Variants in SPATA13 observed in about 807,000 individuals in gnomAD.
The protein encoded by SPATA13 is spermatogenesis-associated protein 13.
Under a neutral mutation model 104.0 loss-of-function variants are expected in SPATA13, and 50 were observed. The ratio of observed to expected loss-of-function variants is 0.48; its 90% CI spans 0.38 to 0.61. The LOEUF (loss-of-function observed/expected upper bound fraction) is 0.61, where lower values mean the gene tolerates loss of function less well. Ranked by LOEUF, SPATA13 falls within the 20% of genes least tolerant of loss-of-function variation. The pLI, the probability that SPATA13 is intolerant of heterozygous loss-of-function variation, is 0.00. For synonymous variants in SPATA13, 606 were observed against 667.5 expected (o/e 0.91, Z 1.42); for missense variants, 1,524 against 1,690.6 (o/e 0.90, Z 1.73).
In SPATA13 at chr13:24,259,666, C is replaced by T. The variant is rs111288094; in HGVS notation, c.2164+7804C>T. ...TATTGGTTGTAAAACCTCATCAGCT[C>T]AACATTATGATACTTTGATGAGCTT... On this transcript the variant is annotated intron_variant, in intron 4 of 12. Transcript: ENST00000382108. 7.0e-3 allele frequency among the ~76,000 whole-genome samples: 1,071 copies of T among 152,278 alleles called. 21 individuals carry two copies. The highest frequency in any genetic ancestry group is 0.067 in the South Asian group (323 of 4,828).
intron 9 of SPATA13, among the ~76,000 whole-genome samples, chr13:24,293,184 A>G (rs372889481): frequency 2.0e-5 from 3 of 151,450 alleles, no homozygotes; most frequent in East Asian, 1.9e-4. Flanking sequence ...AGAGAGAGCT[A>G]TATATTTTTT....
intron 2 of SPATA13, among the ~76,000 whole-genome samples, chr13:24,227,218 A>G (rs1475113011): frequency 6.6e-6 from 1 of 152,086 alleles, no homozygotes; most frequent in East Asian, 1.9e-4. Flanking sequence ...GGATTTGTAT[A>G]TGTCTGGAGG....
intron 1 of SPATA13, among the ~76,000 whole-genome samples, chr13:24,184,017 G>C (rs141005897): frequency 6.6e-6 from 1 of 152,072 alleles, no homozygotes; most frequent in Admixed American, 6.6e-5. Context: ...GAAGTGGCGC[G>C]CTCAAGGTCA....
chr13:24,118,714 G>A (rs544751930), intron 3 of SPATA13, among the ~76,000 whole-genome samples: 19 of 152,208 alleles, frequency 1.2e-4, no homozygotes, highest in Middle Eastern at 3.4e-3. Context: ...CTTAGGGAGA[G>A]GGACCACATG....
chr13:24,249,118 C>T (rs1335460883), intron 2 of SPATA13, among the ~76,000 whole-genome samples: 4 of 152,194 alleles, frequency 2.6e-5, no homozygotes, highest in African/African-American at 9.6e-5. Context: ...GATCTGCCTG[C>T]CTCGGCCTCC....
intron 11 of SPATA13, among the ~76,000 whole-genome samples, chr13:24,299,954 A>G (rs970908377): frequency 6.6e-6 from 1 of 152,202 alleles, no homozygotes; most frequent in Non-Finnish European, 1.5e-5. Context: ...AGAATCCGCT[A>G]CCTGCTACTC....
rs1877099433 is a variant in SPATA13 at position 24,300,408 on chromosome 13, A to C, written c.3591A>C (p.Glu1197Asp). The change falls in exon 12 of 13, where the codon GAA (glutamate) becomes GAC (aspartate). Residue 1197 changes from glutamate to aspartate, a missense_variant. Glu to Asp is a conservative substitution (Grantham distance 45). Around this residue, in one of 2 missense-constraint regions of SPATA13, gnomAD observed 435 missense variants for 554.8 expected, o/e 0.78. Coordinates refer to ENST00000382108, the MANE Select transcript of SPATA13 (RefSeq NM_001166271.3). ...RVQEDKEMGMEISENQKKLAM... is the reference protein window; with the variant it reads ...RVQEDKEMGMDISENQKKLAM... ...ATTTATTTCTAAATGCAGGAATGGA[A>C]ATTTCAGAAAACCAGAAGAAACTTG... is the stretch of plus-strand genomic sequence containing the variant. 1 of 1,613,086 alleles carries C rather than the reference A, an allele frequency of 6.2e-7. No homozygotes were observed. Among genetic ancestry groups the C allele is most frequent in the African/African-American group, 1.3e-5 (1 of 74,912 alleles).
chr13:24,220,579 A>G (rs148502707), intron 1 of SPATA13, among the ~76,000 whole-genome samples: 6 of 152,380 alleles, frequency 3.9e-5, no homozygotes, highest in African/African-American at 1.2e-4. Context: ...CTTCATATCC[A>G]GTCTCATCGC....
chr13:24,021,035 C>T (rs572969136), intron 3 of SPATA13, among the ~76,000 whole-genome samples: 2 of 152,300 alleles, frequency 1.3e-5, no homozygotes, highest in South Asian at 4.1e-4. Context: ...ATTGAGACTC[C>T]ATCTCAATAA....
chr13:24,132,835 G>A (rs1410965437), intron 3 of SPATA13, among the ~76,000 whole-genome samples: 5 of 152,100 alleles, frequency 3.3e-5, no homozygotes, highest in South Asian at 2.1e-4. Context: ...TTAGCCAGTC[G>A]TGGTGGCACA....
At chr13:24,238,007 T>A (rs972411961) in intron 2 of SPATA13, among the ~76,000 whole-genome samples, 43 of 144,810 alleles carry the variant, frequency 3.0e-4, no homozygotes, top group South Asian at 1.1e-3. Context: ...TATATATAAA[T>A]ATATATATTT....
chr13:24,038,052 T>C (rs9507222), intron 3 of SPATA13, among the ~76,000 whole-genome samples: 150,004 of 151,874 alleles, frequency 0.99, 74,104 homozygotes, highest in Middle Eastern at 1. Flanking sequence ...GCTGGGATTA[T>C]AGGCGCCTGC....
chr13:23,989,337 G>T (rs1381668527), intron 2 of SPATA13, among the ~76,000 whole-genome samples: 1 of 151,746 alleles, frequency 6.6e-6, no homozygotes, highest in Non-Finnish European at 1.5e-5. Flanking sequence ...AAGGAGAATT[G>T]CTTCAACCTG....
At chr13:24,120,328 G>A (rs1164554846) in intron 3 of SPATA13, among the ~76,000 whole-genome samples, 1 of 152,350 alleles carries the variant, frequency 6.6e-6, no homozygotes, top group African/African-American at 2.4e-5. Context: ...AGACGCTCTG[G>A]GCAAGTCGCC....
intron 1 of SPATA13, among the ~76,000 whole-genome samples, chr13:24,207,291 A>G (rs367873281): frequency 3.1e-4 from 47 of 152,348 alleles, no homozygotes; most frequent in Non-Finnish European, 5.0e-4. Flanking sequence ...CCGAGGTGAT[A>G]GGATGATACG....
chr13:24,299,059 A>T (rs1473190402), intron 11 of SPATA13, among the ~76,000 whole-genome samples: 2 of 152,108 alleles, frequency 1.3e-5, no homozygotes, highest in Non-Finnish European at 2.9e-5. Context: ...AGGGCTAATC[A>T]CTCGTGCCCA....
chr13:24,123,115 T>C (rs1881093375), intron 3 of SPATA13: 2 of 1,003,938 alleles, frequency 2.0e-6, no homozygotes, highest in Non-Finnish European at 3.2e-6. Flanking sequence ...ATTTTCTGAA[T>C]TGCATGGGTA....
chr13:24,120,576 CCA>C (rs542354251), intron 3 of SPATA13, among the ~76,000 whole-genome samples: 283 of 152,308 alleles, frequency 1.9e-3, no homozygotes, highest in African/African-American at 6.5e-3. Flanking sequence ...AGCCACTATA[CCA>C]CCCTCTGCCT....
At chr13:24,290,423 A>G (rs1443414702) in intron 8 of SPATA13, among the ~76,000 whole-genome samples, 1 of 151,806 alleles carries the variant, frequency 6.6e-6, no homozygotes, top group Non-Finnish European at 1.5e-5. Context: ...CTCATCCCCA[A>G]CCCCCTCAGG....
Sources: gnomAD v4.1 joint callset for allele counts (sites outside exome capture counted in the v4.1 genomes callset) on GRCh38, gnomAD v4.1.1 for gene constraint, gnomAD v4.1.1 regional missense constraint, MANE v1.5 for transcripts, NCBI Gene and HGNC (gene_info 2026-07-23, HGNC 2026-07-21) for gene names.